Variants in TMPRSS4 observed in about 807,000 individuals in gnomAD.
TMPRSS4 encodes the protein transmembrane serine protease 4.
Under a neutral mutation model 56.4 loss-of-function variants are expected in TMPRSS4, and 45 were observed. That is an observed-to-expected ratio of 0.80 (90% CI 0.63 to 1.02). TMPRSS4 has a LOEUF of 1.02. TMPRSS4 is among the 50% of genes least tolerant of loss of function. The pLI, the probability that TMPRSS4 is intolerant of heterozygous loss-of-function variation, is 0.00. For missense variants in TMPRSS4, 546 were observed against 556.7 expected (o/e 0.98, Z 0.19); for synonymous variants, 205 against 211.0 (o/e 0.97, Z 0.25).
rs866699922 is a variant in TMPRSS4, at chr11:118,077,239, G to C, written c.-64G>C. 2.2e-5 allele frequency: 35 copies of C among 1,573,422 alleles called. 1 individual carries two copies. In the African/African-American group the frequency reaches 2.7e-4, roughly 12 times the overall value. On this transcript the variant is annotated 5_prime_UTR_variant, in exon 1 of 13. Coordinates refer to ENST00000437212, the MANE Select transcript of TMPRSS4 (RefSeq NM_019894.4). ...AGGACCTGTGTGGGGAGGCCCTCCT[G>C]CTGCCTTGGGGTGACAATCTCAGCT...
intron 2 of TMPRSS4, among the ~76,000 whole-genome samples, chr11:118,098,623 G>A (rs150794820): frequency 1.3e-5 from 2 of 152,306 alleles, no homozygotes; most frequent in Non-Finnish European, 2.9e-5. Context: ...ATAAATGGTG[G>A]CACAGTGAAT....
At chr11:118,108,818 A>G in intron 6 of TMPRSS4, 38 bp from the exon 7 acceptor site, 1 of 1,612,080 alleles carries the variant, frequency 6.2e-7, no homozygotes, top group African/African-American at 1.3e-5. Flanking sequence ...CAGCTGAGGA[A>G]GAAGCTTAAA....
chr11:118,111,418 T>C (rs1225052480), intron 7 of TMPRSS4, among the ~76,000 whole-genome samples: 2 of 152,146 alleles, frequency 1.3e-5, no homozygotes, highest in African/African-American at 2.4e-5. Context: ...AGGGCTTTCG[T>C]AATTCTGCAT....
At chr11:118,078,481 G>C (rs149403669) in intron 1 of TMPRSS4, among the ~76,000 whole-genome samples, 1 of 152,206 alleles carries the variant, frequency 6.6e-6, no homozygotes, top group South Asian at 2.1e-4. Flanking sequence ...TTCTTAGTGC[G>C]GTTGTAGCTG....
intron 2 of TMPRSS4, chr11:118,095,318 A>G (rs1359815439): frequency 1.2e-5 from 2 of 162,394 alleles, no homozygotes; most frequent in Admixed American, 5.8e-5. Context: ...GAATGATCCC[A>G]AATTTAAGGA....
chr11:118,083,399 G>A (rs959587041), intron 1 of TMPRSS4, among the ~76,000 whole-genome samples: 1 of 152,084 alleles, frequency 6.6e-6, no homozygotes, highest in Non-Finnish European at 1.5e-5. Flanking sequence ...GGTCCCAACT[G>A]CCCTGGTCAC....
At position 118,115,202 on chromosome 11, in the gene TMPRSS4, A is replaced by T. The variant is rs747602010; in HGVS notation, c.1074A>T (p.Ala358=). The part of the protein sequence containing the change: ...VQVIDSTRCN[A]DDAYQGEVTE... ...TCATTGACAGCACACGGTGCAATGC[A>T]GACGATGCGTACCAGGGGGAAGTCA... Residue 358 remains alanine, a synonymous_variant, in exon 11 of 13, where the codon GCA becomes GCT. Transcript: ENST00000437212. 6.2e-7 allele frequency: 1 copy of T among 1,612,984 alleles called. No individual in the cohort carries two copies. The highest frequency in any genetic ancestry group is 1.1e-5 in the South Asian group (1 of 90,318).
rs1314451795 is a variant in TMPRSS4 at position 118,113,386 on chromosome 11, A to C, written c.861A>C (p.Lys287Asn). Residue 287 changes from lysine to asparagine, a missense_variant, in exon 9 of 13, where the codon AAA (lysine) becomes AAC (asparagine). By Grantham distance (94) the Lys-to-Asn change is moderately conservative. Transcript: ENST00000437212. ...IIIEFNPMYP[K>N]DNDIALMKLQ... ...TTGAATTCAACCCCATGTACCCCAA[A>C]GACAATGACATCGCCCTCATGAAGC... is the stretch of plus-strand genomic sequence containing the variant. The C allele has an allele frequency of 1.2e-5, 19 of 1,614,172 alleles. No homozygotes were observed. Among genetic ancestry groups the C allele is most frequent in the Non-Finnish European group, 1.5e-5 (18 of 1,180,026 alleles).
rs1486992134 is a variant in TMPRSS4 at position 118,121,017 on chromosome 11, C to A, written c.*3104C>A. On this transcript the variant is annotated 3_prime_UTR_variant, in exon 13 of 13. Transcript: ENST00000437212. ...GAGAAAACCCAGACCACCCACAGTA[C>A]CACAAATCTACCACAATTAGACTGA... 2 of 152,172 alleles carry A rather than the reference C, an allele frequency of 1.3e-5. No individual in the cohort carries two copies. The highest frequency in any genetic ancestry group is 4.8e-5 in the African/African-American group (2 of 41,426). 9.4% of individuals were successfully genotyped at this position (152,172 alleles called of 1,614,324 possible).
Position 118,077,316 on chromosome 11 carries a change from G to T in TMPRSS4, c.3+11G>T, listed in dbSNP as rs1290672096. 2 of 1,598,346 alleles carry T rather than the reference G, an allele frequency of 1.3e-6. No individual in the cohort carries two copies. The highest frequency in any genetic ancestry group is 3.4e-5 in the Admixed American group (2 of 58,180). On this transcript the variant is annotated intron_variant, in intron 1 of 12. Coordinates refer to ENST00000437212, the MANE Select transcript of TMPRSS4 (RefSeq NM_019894.4). ...CACAGAGCCAGCATGGTGAGTGTGG[G>T]GCCCTCTGCTCCCAAGACACAGGAA...
rs2135476163 is a variant in TMPRSS4 at position 118,118,928 on chromosome 11, A to G, written c.*1015A>G. 1 of 985,444 alleles carries G rather than the reference A, an allele frequency of 1.0e-6. No homozygotes were observed. The highest frequency in any genetic ancestry group is 4.7e-5 in the South Asian group (1 of 21,286). The allele number at this position is 985,444 out of a possible 1,614,324, so 61.0% of individuals were successfully genotyped here. A position where few individuals can be genotyped will look rare whatever the true frequency, so the allele number is the denominator to read the frequency against. On this transcript the variant is annotated 3_prime_UTR_variant, in exon 13 of 13. Transcript: ENST00000437212. Reference sequence around the variant, plus strand: ...GAGGCAGTCCCCAAGCTGAGTTGTGAGGATGTAAGCATGAATAAGTCCCTG... The same window carrying G: ...GAGGCAGTCCCCAAGCTGAGTTGTGGGGATGTAAGCATGAATAAGTCCCTG...
Position 118,103,245 on chromosome 11 carries a change from C to T in TMPRSS4, c.302C>T (p.Ala101Val). Reference protein sequence around the residue: ...HCVKSFPEGPAVAVRLSKDRS... With the variant: ...HCVKSFPEGPVVAVRLSKDRS... ...GTCAAGAGCTTCCCCGAAGGGCCTG[C>T]AGTGGCAGGTGAGTGCAGGGTCTGA... The change falls in exon 4 of 13, where the codon GCA (alanine) becomes GTA (valine). Residue 101 changes from alanine to valine, a missense_variant. Coordinates refer to ENST00000437212, the MANE Select transcript of TMPRSS4 (RefSeq NM_019894.4). 1 of 1,613,476 alleles carries T rather than the reference C, an allele frequency of 6.2e-7. No individual in the cohort carries two copies. Among genetic ancestry groups the T allele is most frequent in the Non-Finnish European group, 8.5e-7 (1 of 1,179,848 alleles).
chr11:118,092,321 A>G (rs1946027483), intron 1 of TMPRSS4, among the ~76,000 whole-genome samples: 1 of 152,206 alleles, frequency 6.6e-6, no homozygotes, highest in Admixed American at 6.5e-5. Context: ...TACTCAAATC[A>G]ATCTCCCCAA....
chr11:118,108,643 C>T (rs1947120788), intron 6 of TMPRSS4: 6 of 595,056 alleles, frequency 1.0e-5, no homozygotes, highest in Non-Finnish European at 1.8e-5. Context: ...AGTAGGTACT[C>T]AGCAGTGGGG....
chr11:118,111,751 G>A lies in TMPRSS4; in HGVS notation c.594G>A (p.Lys198=). 3 of 1,576,094 alleles carry A rather than the reference G, an allele frequency of 1.9e-6. No individual in the cohort carries two copies. Among genetic ancestry groups the A allele is most frequent in the Non-Finnish European group, 2.6e-6 (3 of 1,164,560 alleles). ...LVSLHCLACG[K]SLKTPRVVGV... ...TCTGCCTGTGTCCAGCCTGTGGGAA[G>A]AGCCTGAAGACCCCCCGTGTGGTGG... The change falls in exon 8 of 13, where the codon AAG becomes AAA. Residue 198 remains lysine, a synonymous_variant. Coordinates refer to ENST00000437212, the MANE Select transcript of TMPRSS4 (RefSeq NM_019894.4).
chr11:118,081,282 T>C (rs1412699592), intron 1 of TMPRSS4, among the ~76,000 whole-genome samples: 5 of 152,158 alleles, frequency 3.3e-5, no homozygotes, highest in African/African-American at 9.7e-5. Context: ...GGGATGGGCA[T>C]GAGGGAGGCA....
At chr11:118,084,701 A>C (rs1945408764) in intron 1 of TMPRSS4, among the ~76,000 whole-genome samples, 1 of 152,186 alleles carries the variant, frequency 6.6e-6, no homozygotes, top group Non-Finnish European at 1.5e-5. Context: ...TTCACTTACT[A>C]AACTCCTCTA....
Position 118,115,120 on chromosome 11 carries a change from G to GTTTT in TMPRSS4, c.1010-17_1010-16insTTTT. The GTTTT allele has an allele frequency of 3.1e-6, 5 of 1,606,296 alleles. No individual in the cohort carries two copies. The highest frequency in any genetic ancestry group is 1.7e-4 in the Middle Eastern group (1 of 6,058). On this transcript the variant is annotated splice_polypyrimidine_tract_variant and intron_variant, in intron 10 of 12. Transcript: ENST00000437212. ...ATAGAAGGCAAGGATGGGAATGTGAGTGTTTTTACCCTCCCAGGGAAGATG... is the reference window on the plus strand; with the variant it reads ...ATAGAAGGCAAGGATGGGAATGTGAGTTTTTGTTTTTACCCTCCCAGGGAAGATG...
chr11:118,087,217 A>G (rs951761474), intron 1 of TMPRSS4, among the ~76,000 whole-genome samples: 13 of 152,074 alleles, frequency 8.5e-5, no homozygotes, highest in African/African-American at 3.1e-4. Flanking sequence ...CTCTTTGTCC[A>G]CACTCCAGTC....
Sources: gnomAD v4.1 joint callset for allele counts (sites outside exome capture counted in the v4.1 genomes callset) on GRCh38, gnomAD v4.1.1 for gene constraint, MANE v1.5 for transcripts, NCBI Gene and HGNC (gene_info 2026-07-23, HGNC 2026-07-21) for gene names.